The following FGF7 variants were observed in gnomAD, a reference collection of about 807,000 sequenced individuals.
FGF7 encodes fibroblast growth factor 7, also known as FGF-7.
In FGF7, 6 loss-of-function variants were observed where a neutral mutation model predicts 20.5. The observed-to-expected ratio is 0.29, with a 90% CI of 0.16 to 0.58. The LOEUF (loss-of-function observed/expected upper bound fraction) is 0.58. FGF7 is among the 20% of genes least tolerant of loss of function. The pLI, the probability that FGF7 is intolerant of heterozygous loss-of-function variation, is 0.90. For synonymous variants in FGF7, 64 were observed against 74.7 expected, an observed-to-expected ratio of 0.86 and a Z score of 0.74; for missense variants, 144 against 228.8, an observed-to-expected ratio of 0.63 and a Z score of 2.39.
chr15:49,476,057 A>G (rs1486597324), intron 2 of FGF7, among the ~76,000 whole-genome samples: 3 of 152,062 alleles, frequency 2.0e-5, no homozygotes, highest in Non-Finnish European at 4.4e-5. Context: ...GGCCTTGCAC[A>G]TAGTACTTTT....
At chr15:49,472,113 CT>C (rs1483053712) in intron 2 of FGF7, among the ~76,000 whole-genome samples, 1 of 151,406 alleles carries the variant, frequency 6.6e-6, no homozygotes, top group East Asian at 1.9e-4. Context: ...CTTAGAATAA[CT>C]GAAAAAATAG....
At chr15:49,439,288 G>A (rs1239112950) in intron 2 of FGF7, among the ~76,000 whole-genome samples, 1 of 151,656 alleles carries the variant, frequency 6.6e-6, no homozygotes, top group East Asian at 2.0e-4. Flanking sequence ...GAGAGAGAGA[G>A]AGAGAGGGAG....
intron 2 of FGF7, among the ~76,000 whole-genome samples, chr15:49,476,173 T>TTGA (rs1441711630): frequency 4.7e-5 from 7 of 149,850 alleles, no homozygotes; most frequent in Non-Finnish European, 8.9e-5. Context: ...CGTTGACCAC[T>TTGA]TGACCACTTC....
At chr15:49,448,108 A>C (rs2052390818) in intron 2 of FGF7, among the ~76,000 whole-genome samples, 1 of 151,796 alleles carries the variant, frequency 6.6e-6, no homozygotes, top group African/African-American at 2.4e-5. Context: ...ATATGAAGCA[A>C]CATATTATGC....
rs1246901925 is a variant in FGF7, at chr15:49,487,323, T to C, written c.*2819T>C. The C allele has an allele frequency of 6.6e-6, 1 of 151,340 alleles. No individual in the cohort carries two copies. Among genetic ancestry groups the C allele is most frequent in the African/African-American group, 2.4e-5 (1 of 41,234 alleles). The allele number at this position is 151,340 out of a possible 1,614,324, so 9.4% of individuals were successfully genotyped here. On this transcript the variant is annotated 3_prime_UTR_variant, in exon 4 of 4. Coordinates refer to ENST00000267843, the MANE Select transcript of FGF7 (RefSeq NM_002009.4). ...ATTAAATACATGAGTTTCTAACAAT[T>C]AGAAAAGAAAAAATTAAAACATGAA...
intron 2 of FGF7, among the ~76,000 whole-genome samples, chr15:49,466,888 C>A (rs896839681): frequency 6.6e-6 from 1 of 152,116 alleles, no homozygotes; most frequent in African/African-American, 2.4e-5. Context: ...ATATTAACTA[C>A]TCCACATAAG....
At chr15:49,435,868 C>T (rs1455438827) in intron 2 of FGF7, among the ~76,000 whole-genome samples, 5 of 151,414 alleles carry the variant, frequency 3.3e-5, no homozygotes, top group African/African-American at 1.2e-4. Flanking sequence ...ATTTAGTCTG[C>T]AAAATCTTAC....
At chr15:49,456,435 A>T (rs2053296922) in intron 2 of FGF7, among the ~76,000 whole-genome samples, 1 of 152,138 alleles carries the variant, frequency 6.6e-6, no homozygotes, top group African/African-American at 2.4e-5. Flanking sequence ...TGTAAAATGT[A>T]ATGCTATGTG....
intron 2 of FGF7, among the ~76,000 whole-genome samples, chr15:49,461,453 C>G (rs560885047): frequency 6.6e-6 from 1 of 152,294 alleles, no homozygotes; most frequent in African/African-American, 2.4e-5. Context: ...TATCTGACAT[C>G]ATGTCTATTT....
chr15:49,435,485 T>C (rs1166891592), intron 2 of FGF7, among the ~76,000 whole-genome samples: 1 of 151,602 alleles, frequency 6.6e-6, no homozygotes, highest in African/African-American at 2.4e-5. Flanking sequence ...TATGCTACTT[T>C]CATAAAACTA....
chr15:49,462,480 G>A (rs2053890142), intron 2 of FGF7, among the ~76,000 whole-genome samples: 1 of 152,100 alleles, frequency 6.6e-6, no homozygotes, highest in Non-Finnish European at 1.5e-5. Context: ...TCCAGCATGG[G>A]CAAATATAAT....
At chr15:49,449,712 G>A (rs2052548830) in intron 2 of FGF7, among the ~76,000 whole-genome samples, 2 of 152,044 alleles carry the variant, frequency 1.3e-5, no homozygotes, top group African/African-American at 4.8e-5. Flanking sequence ...GGTCTCTTTC[G>A]CTTCTATACT....
chr15:49,431,267 G>A (rs1485339336), intron 2 of FGF7, among the ~76,000 whole-genome samples: 1 of 151,710 alleles, frequency 6.6e-6, no homozygotes, highest in African/African-American at 2.4e-5. Flanking sequence ...GGAAAATTGT[G>A]TTAAAGAGTC....
intron 2 of FGF7, among the ~76,000 whole-genome samples, chr15:49,442,369 G>A (rs1295160515): frequency 6.6e-6 from 1 of 151,568 alleles, no homozygotes; most frequent in Non-Finnish European, 1.5e-5. Context: ...GGCCATTTCA[G>A]TCCACCCCTG....
chr15:49,452,996 A>G (rs2052911220), intron 2 of FGF7, among the ~76,000 whole-genome samples: 1 of 152,080 alleles, frequency 6.6e-6, no homozygotes, highest in African/African-American at 2.4e-5. Flanking sequence ...TCACAAAATT[A>G]CTCTAGTTAA....
chr15:49,486,622 A>G lies in FGF7; in HGVS notation c.*2118A>G, dbSNP rs1303515981. On this transcript the variant is annotated 3_prime_UTR_variant, in exon 4 of 4. Coordinates refer to ENST00000267843, the MANE Select transcript of FGF7 (RefSeq NM_002009.4). The stretch of plus-strand genomic sequence containing the variant: ...AATAGAAATAGTGTATATACATATA[A>G]AATACAAGCTATGTTAGGACCAAAT... The G allele has an allele frequency of 5.3e-5, 8 of 152,002 alleles. No individual in the cohort carries two copies. The highest frequency in any genetic ancestry group is 5.3e-4 in the Admixed American group (8 of 15,212). 9.4% of individuals were successfully genotyped at this position (152,002 alleles called of 1,614,324 possible). A position where few individuals can be genotyped will look rare whatever the true frequency, so the allele number is the denominator to read the frequency against.
chr15:49,471,632 A>C (rs1217251470), intron 2 of FGF7, among the ~76,000 whole-genome samples: 1 of 152,020 alleles, frequency 6.6e-6, no homozygotes, highest in Non-Finnish European at 1.5e-5. Flanking sequence ...TCAAAAATGG[A>C]AAGTTATGAT....
chr15:49,444,227 G>T (rs1233914258), intron 2 of FGF7, among the ~76,000 whole-genome samples: 2 of 151,556 alleles, frequency 1.3e-5, no homozygotes, highest in Non-Finnish European at 3.0e-5. Flanking sequence ...ATTTATGATT[G>T]CTCTCAAGAC....
chr15:49,443,227 T>C (rs2051843931), intron 2 of FGF7, among the ~76,000 whole-genome samples: 2 of 151,800 alleles, frequency 1.3e-5, no homozygotes, highest in African/African-American at 4.8e-5. Flanking sequence ...ATGAAATAAA[T>C]TACATTAAAA....
Sources: allele counts gnomAD v4.1 joint callset (sites outside exome capture counted in the v4.1 genomes callset), GRCh38; gene constraint gnomAD v4.1.1; transcripts MANE v1.5; gene names NCBI Gene and HGNC (gene_info 2026-07-23, HGNC 2026-07-21).